Variants in NEK7 observed in about 807,000 individuals in gnomAD.
NEK7 encodes NIMA related kinase 7.
In NEK7, 18 loss-of-function variants were observed where a neutral mutation model predicts 44.6. The observed-to-expected ratio is 0.40, with a 90% confidence interval of 0.28 to 0.60. NEK7 has a LOEUF of 0.60. Ranked by LOEUF, NEK7 falls within the 20% of genes least tolerant of loss-of-function variation. The probability of loss-of-function intolerance (pLI) is 0.38; values close to 1 mark genes in which losing one functional copy is unlikely to be tolerated. For missense variants in NEK7, 256 were observed against 366.5 expected, an observed-to-expected ratio of 0.70 and a Z score of 2.46; for synonymous variants, 130 against 121.1, an observed-to-expected ratio of 1.07 and a Z score of -0.48.
intron 9 of NEK7, among the ~76,000 whole-genome samples, chr1:198,310,764 T>C (rs1471997322): frequency 6.6e-6 from 1 of 152,142 alleles, no homozygotes; most frequent in South Asian, 2.1e-4. Context: ...CGTGGCATTA[T>C]TTCTGAGGGC....
chr1:198,277,926 A>T, intron 5 of NEK7, 35 bp from the exon 6 acceptor site: 2 of 1,258,796 alleles, frequency 1.6e-6, no homozygotes, highest in Non-Finnish European at 1.1e-6. Context: ...GAGAAATTTT[A>T]GTTTTTATAG....
rs1665503665 is a variant in NEK7 at position 198,203,670 on chromosome 1, C to T, written c.-28-28883C>T. 3.3e-5 allele frequency among the ~76,000 whole-genome samples: 5 copies of T among 152,304 alleles called. 1 individual carries two copies. The highest frequency in any genetic ancestry group is 6.5e-5 in the Admixed American group (1 of 15,304). Reference sequence around the variant, plus strand: ...AAGTAACATCATGTGTTTGAAAACACTTCCTAGTCAGTAAAAACAGGAGCA... The same window carrying T: ...AAGTAACATCATGTGTTTGAAAACATTTCCTAGTCAGTAAAAACAGGAGCA... On this transcript the variant is annotated intron_variant, in intron 1 of 9. Transcript: ENST00000367385.
At chr1:198,271,433 A>G (rs1263310132) in intron 5 of NEK7, among the ~76,000 whole-genome samples, 1 of 152,068 alleles carries the variant, frequency 6.6e-6, no homozygotes, top group Non-Finnish European at 1.5e-5. Context: ...TTTTGGAGAT[A>G]ACTGTTATCT....
At chr1:198,163,993 C>T (rs942712757) in intron 1 of NEK7, among the ~76,000 whole-genome samples, 1 of 152,102 alleles carries the variant, frequency 6.6e-6, no homozygotes, top group African/African-American at 2.4e-5. Flanking sequence ...GTAATCCCAG[C>T]GCTTTGGAGG....
chr1:198,307,309 T>C (rs1655047404), intron 9 of NEK7, among the ~76,000 whole-genome samples: 1 of 152,150 alleles, frequency 6.6e-6, no homozygotes, highest in Admixed American at 6.6e-5. Context: ...ACATCAATTT[T>C]ACAGCAAATA....
At chr1:198,314,309 A>G (rs532935969) in intron 9 of NEK7, among the ~76,000 whole-genome samples, 1 of 151,954 alleles carries the variant, frequency 6.6e-6, no homozygotes, top group African/African-American at 2.4e-5. Flanking sequence ...CTTCTCTGTA[A>G]TGGTTATTCT....
chr1:198,253,285 G>C (rs1219666643), intron 3 of NEK7, 105 bp downstream of exon 3: 1 of 686,874 alleles, frequency 1.5e-6, no homozygotes, highest in African/African-American at 1.9e-5. Context: ...CTTAAGTTGA[G>C]AATGCTGGGA....
chr1:198,248,741 C>A (rs1297357960), intron 2 of NEK7, among the ~76,000 whole-genome samples: 6 of 152,102 alleles, frequency 3.9e-5, no homozygotes, highest in African/African-American at 1.4e-4. Context: ...TCCATTTCAA[C>A]TCAAAGATCT....
chr1:198,200,555 T>TC (rs1665399977), intron 1 of NEK7, among the ~76,000 whole-genome samples: 1 of 150,158 alleles, frequency 6.7e-6, no homozygotes, highest in East Asian at 1.9e-4. Context: ...TTTCTTTCTT[T>TC]TTTTTTTTTT....
intron 2 of NEK7, among the ~76,000 whole-genome samples, chr1:198,237,250 A>G (rs1217405813): frequency 6.6e-6 from 1 of 152,004 alleles, no homozygotes; most frequent in Non-Finnish European, 1.5e-5. Context: ...TTCTATCTAT[A>G]TCCCTTACTT....
At chr1:198,303,969 C>T (rs1207913490) in intron 9 of NEK7, among the ~76,000 whole-genome samples, 2 of 152,062 alleles carry the variant, frequency 1.3e-5, no homozygotes, top group South Asian at 2.1e-4. Flanking sequence ...TAAATTGTTT[C>T]GGTAAATTTA....
chr1:198,230,453 C>G (rs1418860164), intron 1 of NEK7, among the ~76,000 whole-genome samples: 1 of 151,984 alleles, frequency 6.6e-6, no homozygotes, highest in Non-Finnish European at 1.5e-5. Context: ...TCAAGATACA[C>G]AAATTTTTTA....
intron 1 of NEK7, among the ~76,000 whole-genome samples, chr1:198,231,024 G>C (rs1666372730): frequency 6.6e-6 from 1 of 151,526 alleles, no homozygotes; most frequent in South Asian, 2.1e-4. Flanking sequence ...AATCCCAGCA[G>C]TGTTTTTTTA....
chr1:198,283,274 C>T (rs1264651004), intron 7 of NEK7, among the ~76,000 whole-genome samples: 1 of 152,138 alleles, frequency 6.6e-6, no homozygotes, highest in Non-Finnish European at 1.5e-5. Flanking sequence ...CTTCGTTCTT[C>T]TTTGGGCTAA....
intron 9 of NEK7, among the ~76,000 whole-genome samples, chr1:198,305,281 A>G (rs1654991624): frequency 6.6e-6 from 1 of 152,222 alleles, no homozygotes; most frequent in African/African-American, 2.4e-5. Context: ...GAAGGAATAG[A>G]TATGAAGTTC....
Position 198,313,499 on chromosome 1 carries a change from T to G in NEK7, c.799-5913T>G, listed in dbSNP as rs1655255284. Among the ~76,000 whole-genome samples the G allele has an allele frequency of 3.6e-5, 5 of 137,006 alleles. No individual in the cohort carries two copies. In the South Asian group the frequency reaches 1.1e-3, roughly 31 times the overall value. The allele number at this position is 137,006 out of a possible 152,430, so 89.9% of individuals were successfully genotyped here. On this transcript the variant is annotated intron_variant, in intron 9 of 9. Transcript: ENST00000367385. ...CTGTCATTATGATGTTAGCTGGTTA[T>G]TTTGCTCGTTAGTTGATGCAGTTTC... is the stretch of plus-strand genomic sequence containing the variant.
chr1:198,314,687 C>CGG (rs1655296132), intron 9 of NEK7, among the ~76,000 whole-genome samples: 2 of 152,128 alleles, frequency 1.3e-5, no homozygotes, highest in African/African-American at 4.8e-5. Context: ...TTTGAGTACC[C>CGG]GGCCGTGTGA....
At chr1:198,300,968 ACT>A (rs1434047369) in intron 9 of NEK7, among the ~76,000 whole-genome samples, 1 of 152,172 alleles carries the variant, frequency 6.6e-6, no homozygotes, top group African/African-American at 2.4e-5. Context: ...AGATAAATAG[ACT>A]GTTTTCCTTC....
intron 2 of NEK7, among the ~76,000 whole-genome samples, chr1:198,243,389 C>G (rs1194742700): frequency 6.6e-6 from 1 of 152,192 alleles, no homozygotes; most frequent in Non-Finnish European, 1.5e-5. Context: ...TTTTTAACAA[C>G]TGCTTTTTAC....
Sources: allele counts gnomAD v4.1 joint callset (sites outside exome capture counted in the v4.1 genomes callset), GRCh38; gene constraint gnomAD v4.1.1; transcripts MANE v1.5; gene names NCBI Gene and HGNC (gene_info 2026-07-23, HGNC 2026-07-21).